Variants in SCLT1 observed in about 807,000 individuals in gnomAD.
SCLT1 encodes the protein sodium channel-associated protein 1.
A neutral mutation model predicts 112.8 loss-of-function variants in SCLT1; 78 were observed. That is an observed-to-expected ratio of 0.69 (90% CI 0.58 to 0.83). SCLT1 has a LOEUF of 0.83. Ranked by LOEUF, SCLT1 falls within the 40% of genes least tolerant of loss-of-function variation. SCLT1 has a pLI of 0.00. For missense variants in SCLT1, 747 were observed against 770.4 expected, an observed-to-expected ratio of 0.97 and a Z score of 0.36; for synonymous variants, 257 against 254.7, an observed-to-expected ratio of 1.01 and a Z score of -0.09.
intron 2 of SCLT1, among the ~76,000 whole-genome samples, chr4:129,080,438 C>T (rs1757942): frequency 0.54 from 81,372 of 152,064 alleles, 24,630 homozygotes; most frequent in South Asian, 0.68. Flanking sequence ...CCTAAATCAT[C>T]TCTCTCAGGT....
At chr4:128,989,329 G>C (rs887284126) in intron 9 of SCLT1, among the ~76,000 whole-genome samples, 6 of 151,742 alleles carry the variant, frequency 4.0e-5, no homozygotes, top group Admixed American at 3.9e-4. Context: ...AGAGGAACTT[G>C]AAAACCACAC....
chr4:128,881,244 A>C (rs1203630077), downstream of SCLT1, among the ~76,000 whole-genome samples: 2 of 152,076 alleles, frequency 1.3e-5, no homozygotes, highest in Admixed American at 1.3e-4. Flanking sequence ...AGACAAACTT[A>C]ATTATTTTTG....
At chr4:129,070,344 T>C (rs1466638019) in intron 2 of SCLT1, among the ~76,000 whole-genome samples, 2 of 152,144 alleles carry the variant, frequency 1.3e-5, no homozygotes, top group Non-Finnish European at 2.9e-5. Context: ...CCAATTCTTC[T>C]TTGAATGTGT....
chr4:128,940,744 AT>A (rs1737622077), intron 17 of SCLT1, among the ~76,000 whole-genome samples: 1 of 151,508 alleles, frequency 6.6e-6, no homozygotes, highest in Admixed American at 6.6e-5. Flanking sequence ...GACTTTATAT[AT>A]TTTTTTTAAT....
intron 4 of SCLT1, chr4:129,040,077 A>G: frequency 1.5e-6 from 1 of 666,124 alleles, no homozygotes; most frequent in Non-Finnish European, 2.8e-6. Context: ...GCCAGGTGGA[A>G]CAGGCAGTTC....
At chr4:128,913,765 A>ATT (rs1269061490) in intron 18 of SCLT1, among the ~76,000 whole-genome samples, 3 of 151,986 alleles carry the variant, frequency 2.0e-5, no homozygotes, top group Non-Finnish European at 4.4e-5. Flanking sequence ...TTTTCTGTTT[A>ATT]TTTTTCTCTT....
At chr4:129,083,543 C>A (rs1187660625) in intron 1 of SCLT1, among the ~76,000 whole-genome samples, 1 of 151,184 alleles carries the variant, frequency 6.6e-6, no homozygotes, top group Non-Finnish European at 1.5e-5. Flanking sequence ...TATAATCTCA[C>A]TGCTTTGGGA....
intron 9 of SCLT1, among the ~76,000 whole-genome samples, chr4:128,981,522 C>T (rs1035012479): frequency 6.6e-6 from 1 of 152,044 alleles, no homozygotes; most frequent in Non-Finnish European, 1.5e-5. Flanking sequence ...AGCCGGATGG[C>T]CCCACCTGGA....
intron 8 of SCLT1, among the ~76,000 whole-genome samples, chr4:128,995,358 T>C (rs1439539836): frequency 1.3e-5 from 2 of 152,222 alleles, no homozygotes; most frequent in Admixed American, 1.3e-4. Context: ...TGTTCATACA[T>C]TGTTCTTTTA....
At chr4:128,877,896 G>C (rs1252003074) in intron 3 of SCLT1, among the ~76,000 whole-genome samples, 1 of 152,124 alleles carries the variant, frequency 6.6e-6, no homozygotes, top group Non-Finnish European at 1.5e-5. Flanking sequence ...AGGGAGAATG[G>C]AATTAATTGT....
intron 18 of SCLT1, among the ~76,000 whole-genome samples, chr4:128,932,533 T>TATTTCC (rs1469427445): frequency 6.6e-6 from 1 of 152,164 alleles, no homozygotes; most frequent in Non-Finnish European, 1.5e-5. Flanking sequence ...AAATTAAAAT[T>TATTTCC]ATTTCCTCTG....
chr4:128,969,906 A>G (rs1315808641), intron 10 of SCLT1, among the ~76,000 whole-genome samples: 1 of 152,188 alleles, frequency 6.6e-6, no homozygotes, highest in African/African-American at 2.4e-5. Flanking sequence ...TACATAGCTA[A>G]TAAGTCCCAG....
chr4:128,991,114 T>C (rs1004278627), intron 9 of SCLT1, among the ~76,000 whole-genome samples: 3 of 151,824 alleles, frequency 2.0e-5, no homozygotes, highest in Admixed American at 6.6e-5. Context: ...AGACACAGAA[T>C]AGCCAAAGCA....
chr4:129,017,602 T>C (rs543647273), intron 5 of SCLT1, among the ~76,000 whole-genome samples: 1 of 152,160 alleles, frequency 6.6e-6, no homozygotes, highest in Admixed American at 6.5e-5. Flanking sequence ...TCAACAAATA[T>C]CTAAAAAAAT....
chr4:129,024,640 G>A (rs545153818), intron 5 of SCLT1, among the ~76,000 whole-genome samples: 144 of 152,290 alleles, frequency 9.5e-4, no homozygotes, highest in African/African-American at 3.0e-3. Context: ...AAAGCAGAGC[G>A]ACTCTCCTCC....
chr4:129,005,307 A>G (rs569596983), intron 5 of SCLT1, among the ~76,000 whole-genome samples: 1 of 152,184 alleles, frequency 6.6e-6, no homozygotes, highest in Non-Finnish European at 1.5e-5. Flanking sequence ...AAATGAAATG[A>G]AAAAATAGTA....
chr4:129,083,145 C>T (rs1267023557), intron 1 of SCLT1, among the ~76,000 whole-genome samples: 2 of 140,012 alleles, frequency 1.4e-5, no homozygotes, highest in African/African-American at 5.3e-5. Flanking sequence ...GAGCCAAGAT[C>T]GCACCACTGC....
At chr4:129,068,898 C>G (rs1475242312) in intron 2 of SCLT1, among the ~76,000 whole-genome samples, 1 of 152,112 alleles carries the variant, frequency 6.6e-6, no homozygotes, top group East Asian at 1.9e-4. Flanking sequence ...AGTATTTTTA[C>G]AGTTTCAGGT....
rs1466677682 is a variant in SCLT1, at chr4:128,946,067, T to C, written c.1379A>G (p.Lys460Arg). 7 of 1,611,138 alleles carry C rather than the reference T, an allele frequency of 4.3e-6. No individual in the cohort carries two copies. Among genetic ancestry groups the C allele is most frequent in the Middle Eastern group, 1.7e-4 (1 of 6,054 alleles). The change falls in exon 16 of 21, where the codon AAA becomes AGA. Residue 460 changes from lysine (K) to arginine (R), a missense_variant. Around this residue, in one of 2 missense-constraint regions of SCLT1, gnomAD observed 723 missense variants for 721.3 expected, o/e 1.00. Coordinates refer to ENST00000281142, the MANE Select transcript of SCLT1 (RefSeq NM_144643.4). ...CGTAAGTCTTAGCTGAAGATCATCT[T>C]TTGAACGCTCTGAAACCAGGAATCT... ...HQRFLVSERSKDDLQLRLTRA... is the reference protein window; with the variant it reads ...HQRFLVSERSRDDLQLRLTRA...
Sources: gnomAD v4.1 joint callset for allele counts (sites outside exome capture counted in the v4.1 genomes callset) on GRCh38, gnomAD v4.1.1 for gene constraint, gnomAD v4.1.1 regional missense constraint, MANE v1.5 for transcripts, NCBI Gene and HGNC (gene_info 2026-07-23, HGNC 2026-07-21) for gene names.